TRAP1: variants seen among roughly 807,000 people sequenced by gnomAD.
TRAP1 encodes heat shock protein 75 kDa, mitochondrial.
Under a neutral mutation model 89.1 loss-of-function variants are expected in TRAP1, and 102 were observed. That is an observed-to-expected ratio of 1.15 (90% CI 0.98 to 1.35). The LOEUF is 1.35. Ranked by LOEUF, TRAP1 falls within the 40% of genes most tolerant of loss-of-function variation. TRAP1 has a pLI of 0.00. For synonymous variants in TRAP1, 508 were observed against 388.0 expected (o/e 1.31, Z -3.64); for missense variants, 1,256 against 945.3 (o/e 1.33, Z -4.31).
Position 3,671,796 on chromosome 16 carries a change from G to A in TRAP1, c.1166-5C>T. 1 of 1,611,626 alleles carries A rather than the reference G, an allele frequency of 6.2e-7. No individual in the cohort carries two copies. The highest frequency in any genetic ancestry group is 8.5e-7 in the Non-Finnish European group (1 of 1,179,962). On this transcript the variant is annotated splice_region_variant and splice_polypyrimidine_tract_variant and intron_variant, in intron 10 of 17. Coordinates refer to ENST00000246957, the MANE Select transcript of TRAP1 (RefSeq NM_016292.3). ...TGTCCTCACTGTCCACCACACCTGG[G>A]AGACACGGCAGTCAGCTTCTCCCGG...
chr16:3,665,987 G>C lies in TRAP1; in HGVS notation c.1367C>G (p.Thr456Ser), dbSNP rs1289985091. Residue 456 changes from threonine (T) to serine (S), a missense_variant, in exon 12 of 18, where the codon ACC becomes AGC. Coordinates refer to ENST00000246957, the MANE Select transcript of TRAP1 (RefSeq NM_016292.3). ...LFMREGIVTATEQEVKEDIAK... is the reference protein window; with the variant it reads ...LFMREGIVTASEQEVKEDIAK... ...CTCCTATACCTTGACCTCCTGCTCG[G>C]TGGCGGTCACAATGCCCTCCCGCAT... 2 of 1,613,752 alleles carry C rather than the reference G, an allele frequency of 1.2e-6. No individual in the cohort carries two copies. Among genetic ancestry groups the C allele is most frequent in the Admixed American group, 3.3e-5 (2 of 59,954 alleles).
chr16:3,698,105 C>T (rs1050207423), intron 1 of TRAP1, among the ~76,000 whole-genome samples: 1 of 151,618 alleles, frequency 6.6e-6, no homozygotes, highest in Non-Finnish European at 1.5e-5. Context: ...ACCACTACAC[C>T]CAGCCTATAT....
At chr16:3,660,533 T>G (rs975405656) in intron 16 of TRAP1, 5 of 152,042 alleles carry the variant, frequency 3.3e-5, no homozygotes, top group African/African-American at 1.2e-4. Context: ...CAAAACTAGT[T>G]TGCCACCAAA....
At chr16:3,666,195 T>A in intron 11 of TRAP1, 77 bp from the exon 12 acceptor site, 1 of 1,506,442 alleles carries the variant, frequency 6.6e-7, no homozygotes, top group Non-Finnish European at 8.9e-7. Context: ...CGAAAAAATG[T>A]TCAGCCCCGC....
chr16:3,698,338 G>T (rs1304230705), intron 1 of TRAP1, among the ~76,000 whole-genome samples: 1 of 146,278 alleles, frequency 6.8e-6, no homozygotes, highest in Non-Finnish European at 1.5e-5. Context: ...TTTTTTTAGA[G>T]TCTCACTCTG....
chr16:3,674,679 C>G (rs2151254811), intron 8 of TRAP1, 185 bp from the exon 9 acceptor site: 1 of 681,020 alleles, frequency 1.5e-6, no homozygotes, highest in East Asian at 2.8e-5. Flanking sequence ...GCAGGGGAGA[C>G]ACACAAGGCT....
At chr16:3,685,869 T>G (rs1029924587) in intron 4 of TRAP1, 127 bp downstream of exon 4, 1 of 1,228,642 alleles carries the variant, frequency 8.1e-7, no homozygotes, top group Non-Finnish European at 1.1e-6. Context: ...CACTAAATTA[T>G]AGCCAGAGTT....
At chr16:3,684,896 G>A (rs962258054) in intron 4 of TRAP1, among the ~76,000 whole-genome samples, 11 of 152,156 alleles carry the variant, frequency 7.2e-5, no homozygotes, top group African/African-American at 2.7e-4. Context: ...TAAATTACCT[G>A]CTCAAATTTT....
chr16:3,662,825 G>T, intron 15 of TRAP1, 57 bp downstream of exon 15: 1 of 1,567,532 alleles, frequency 6.4e-7, no homozygotes, highest in South Asian at 1.1e-5. Context: ...CCACCAGCTG[G>T]CCAGCCTGTT....
intron 1 of TRAP1, among the ~76,000 whole-genome samples, chr16:3,714,675 G>A (rs2051574365): frequency 6.6e-6 from 1 of 151,982 alleles, no homozygotes; most frequent in African/African-American, 2.4e-5. Context: ...AATCAAATAA[G>A]ATATTCTGAG....
At position 3,662,332 on chromosome 16, in the gene TRAP1, C is replaced by G. The variant is rs2043130301; in HGVS notation, c.1795-200G>C. ...TGATGCCCCACGCAAAGATACTGTG[C>G]CCGAGGGGCTCCACCACCCTGGTGC... On this transcript the variant is annotated intron_variant, in intron 15 of 17. Coordinates refer to ENST00000246957, the MANE Select transcript of TRAP1 (RefSeq NM_016292.3). The G allele has an allele frequency of 5.9e-6, 4 of 674,826 alleles. No homozygotes were observed. The Admixed American group carries it at 1.2e-4, about 20-fold the overall frequency. The allele number at this position is 674,826 out of a possible 1,614,324, so 41.8% of individuals were successfully genotyped here. A position where few individuals can be genotyped will look rare whatever the true frequency, so the allele number is the denominator to read the frequency against.
chr16:3,675,436 T>G (rs1378533689), intron 7 of TRAP1, 39 bp from the exon 8 acceptor site: 1 of 1,599,524 alleles, frequency 6.3e-7, no homozygotes, highest in East Asian at 2.2e-5. Context: ...GCATCTACAA[T>G]GCTTGTGGAA....
At chr16:3,670,382 C>CAAAAAAAAAAAAAAAAAAAAAAAA (rs760902038) in intron 11 of TRAP1, among the ~76,000 whole-genome samples, 3 of 22,844 alleles carry the variant, frequency 1.3e-4, no homozygotes, top group Non-Finnish European at 1.9e-4. Flanking sequence ...GACTCCGTCT[C>CAAAAAAAAAAAAAAAAAAAAAAAA]AAAAAAAAAA....
intron 15 of TRAP1, chr16:3,662,352 TG>T: frequency 1.6e-6 from 1 of 625,476 alleles, no homozygotes; most frequent in South Asian, 2.0e-5. Flanking sequence ...TCCACCACCC[TG>T]GTGCCCCGCT....
rs369726045 is a variant in TRAP1 at position 3,661,745 on chromosome 16, G to A, written c.1940+242C>T. On this transcript the variant is annotated intron_variant, in intron 16 of 17. Coordinates refer to ENST00000246957, the MANE Select transcript of TRAP1 (RefSeq NM_016292.3). The stretch of plus-strand genomic sequence containing the variant: ...AGGTGGCAAAGCCATAAAGCAAAAC[G>A]AGGACATGGTCACAGGCTGGGATGT... 1.4e-4 allele frequency: 57 copies of A among 418,486 alleles called. 2 individuals carry two copies. In the South Asian group the frequency reaches 3.5e-3, roughly 26 times the overall value. 25.9% of individuals were successfully genotyped at this position (418,486 alleles called of 1,614,324 possible).
rs534094004 is a variant in TRAP1 at position 3,658,287 on chromosome 16, T to A, written c.2014-57A>T. Reference sequence around the variant, plus strand: ...GGGCATGGGGCACCTTTTCATTTTTTTTTTTTTGAGACAGAGTCTCACTGT... The same window carrying A: ...GGGCATGGGGCACCTTTTCATTTTTATTTTTTTGAGACAGAGTCTCACTGT... On this transcript the variant is annotated intron_variant, in intron 17 of 17. Transcript: ENST00000246957. 555 of 1,445,484 alleles carry A rather than the reference T, an allele frequency of 3.8e-4. 5 individuals carry two copies. In the African/African-American group the frequency reaches 6.6e-3, roughly 17 times the overall value. 89.5% of individuals were successfully genotyped at this position (1,445,484 alleles called of 1,614,324 possible). A position where few individuals can be genotyped will look rare whatever the true frequency, so the allele number is the denominator to read the frequency against.
At position 3,664,363 on chromosome 16, in the gene TRAP1, T is replaced by A; in HGVS notation, c.1480A>T (p.Thr494Ser). Reference protein sequence around the residue: ...SEYASRMRAGTRNIYYLCAPN... With the variant: ...SEYASRMRAGSRNIYYLCAPN... ...GCGCACAGGTAGTAGATGTTGCGGGTGCCGGCCCGCATGCGGCTGGCGTAT... is the reference window on the plus strand; with the variant it reads ...GCGCACAGGTAGTAGATGTTGCGGGAGCCGGCCCGCATGCGGCTGGCGTAT... Residue 494 changes from threonine to serine, a missense_variant, in exon 13 of 18, where the codon ACC becomes TCC. Transcript: ENST00000246957. The A allele has an allele frequency of 6.2e-7, 1 of 1,612,938 alleles. No individual in the cohort carries two copies. Among genetic ancestry groups the A allele is most frequent in the East Asian group, 2.2e-5 (1 of 44,840 alleles).
chr16:3,708,949 G>A (rs1379543329), intron 1 of TRAP1, among the ~76,000 whole-genome samples: 1 of 151,474 alleles, frequency 6.6e-6, no homozygotes, highest in African/African-American at 2.4e-5. Flanking sequence ...CCAAGTAGCT[G>A]GGACTACAGG....
intron 11 of TRAP1, among the ~76,000 whole-genome samples, chr16:3,670,550 A>C (rs1204897352): frequency 1.3e-5 from 2 of 151,804 alleles, no homozygotes; most frequent in Non-Finnish European, 2.9e-5. Context: ...AAAAATACAA[A>C]AAAATTAGCC....
Sources: allele counts gnomAD v4.1 joint callset (sites outside exome capture counted in the v4.1 genomes callset), GRCh38; gene constraint gnomAD v4.1.1; transcripts MANE v1.5; gene names NCBI Gene and HGNC (gene_info 2026-07-23, HGNC 2026-07-21).